The following DLGAP1 variants were observed in gnomAD, a reference collection of about 807,000 sequenced individuals.
The protein encoded by DLGAP1 is disks large-associated protein 1.
A neutral mutation model predicts 90.8 loss-of-function variants in DLGAP1; 11 were observed. That is an observed-to-expected ratio of 0.12 (90% CI 0.08 to 0.20). The LOEUF (loss-of-function observed/expected upper bound fraction) is 0.20. Ranked by LOEUF, DLGAP1 falls within the 10% of genes least tolerant of loss-of-function variation. The pLI, the probability that DLGAP1 is intolerant of heterozygous loss-of-function variation, is 1.00. For synonymous variants in DLGAP1, 558 were observed against 540.7 expected (o/e 1.03, Z -0.44); for missense variants, 1,050 against 1,333.8 (o/e 0.79, Z 3.31).
intron 5 of DLGAP1, among the ~76,000 whole-genome samples, chr18:3,765,094 G>C (rs1305065664): frequency 6.7e-6 from 1 of 148,426 alleles, no homozygotes; most frequent in Non-Finnish European, 1.5e-5. Flanking sequence ...GGAAGGCTCA[G>C]AATCTCCATG....
chr18:4,001,482 A>G (rs1372084971), intron 3 of DLGAP1, among the ~76,000 whole-genome samples: 1 of 151,724 alleles, frequency 6.6e-6, no homozygotes, highest in African/African-American at 2.4e-5. Flanking sequence ...TTTTTTCTTT[A>G]TTAATGTTTA....
intron 1 of DLGAP1, among the ~76,000 whole-genome samples, chr18:4,436,795 G>A (rs772041728): frequency 2.6e-5 from 4 of 152,106 alleles, no homozygotes; most frequent in Non-Finnish European, 5.9e-5. Context: ...CTATTCTCTC[G>A]ACACCTAGGG....
At chr18:4,254,127 G>C (rs1440386092) in intron 1 of DLGAP1, among the ~76,000 whole-genome samples, 2 of 152,178 alleles carry the variant, frequency 1.3e-5, no homozygotes, top group Non-Finnish European at 2.9e-5. Flanking sequence ...GTAAGAACAA[G>C]ACTCATCCAC....
intron 5 of DLGAP1, among the ~76,000 whole-genome samples, chr18:3,804,296 T>C (rs2066464689): frequency 6.6e-6 from 1 of 152,122 alleles, no homozygotes; most frequent in African/African-American, 2.4e-5. Context: ...CAGATAATTT[T>C]TAAAGAATGT....
chr18:4,100,776 C>T (rs988992660), intron 2 of DLGAP1, among the ~76,000 whole-genome samples: 3 of 152,238 alleles, frequency 2.0e-5, no homozygotes, highest in Non-Finnish European at 4.4e-5. Flanking sequence ...CCACTTGCTG[C>T]TTCACTTTCA....
intron 5 of DLGAP1, among the ~76,000 whole-genome samples, chr18:3,806,162 C>A (rs192130698): frequency 1.3e-5 from 2 of 152,246 alleles, no homozygotes; most frequent in Admixed American, 1.3e-4. Context: ...ATAAATGATA[C>A]AGCAAAAGTA....
chr18:3,791,805 G>C (rs1023135824), intron 5 of DLGAP1, among the ~76,000 whole-genome samples: 1 of 152,136 alleles, frequency 6.6e-6, no homozygotes, highest in Non-Finnish European at 1.5e-5. Context: ...TCACCTACTC[G>C]GGAGGCTGAG....
intron 7 of DLGAP1, among the ~76,000 whole-genome samples, chr18:3,662,661 G>A (rs1156580377): frequency 6.6e-6 from 1 of 152,236 alleles, no homozygotes; most frequent in African/African-American, 2.4e-5. Context: ...CTCAGAAGGT[G>A]CAACAAGAGT....
In DLGAP1 at chr18:3,689,508, A is replaced by G. The variant is rs557124671; in HGVS notation, c.1591+39627T>C. 2.0e-4 allele frequency among the ~76,000 whole-genome samples: 31 copies of G among 152,098 alleles called. 2 individuals carry two copies. In the East Asian group the frequency reaches 5.8e-3, roughly 28 times the overall value. Reference sequence around the variant, plus strand: ...TCATTGTATCCTTTTTTTTAAGCAGACCTATCTTTTCCCTTCTCTAAATAT... The same window carrying G: ...TCATTGTATCCTTTTTTTTAAGCAGGCCTATCTTTTCCCTTCTCTAAATAT... On this transcript the variant is annotated intron_variant, in intron 7 of 12. Transcript: ENST00000315677.
chr18:4,037,013 T>A (rs1015818381), intron 2 of DLGAP1, among the ~76,000 whole-genome samples: 2 of 152,216 alleles, frequency 1.3e-5, no homozygotes, highest in African/African-American at 4.8e-5. Flanking sequence ...TTTCTCTCTG[T>A]TCATTAGTAA....
intron 4 of DLGAP1, among the ~76,000 whole-genome samples, chr18:3,824,639 G>A (rs2067610319): frequency 6.6e-6 from 1 of 151,982 alleles, no homozygotes; most frequent in Non-Finnish European, 1.5e-5. Context: ...AGGCTTACTT[G>A]TGAATCATTA....
At chr18:4,380,386 T>C (rs928092251) in intron 1 of DLGAP1, among the ~76,000 whole-genome samples, 3 of 152,172 alleles carry the variant, frequency 2.0e-5, no homozygotes, top group Non-Finnish European at 4.4e-5. Context: ...TGCCCTTGAC[T>C]GCAGAATGTA....
chr18:4,179,558 T>C (rs1324916249), intron 1 of DLGAP1, among the ~76,000 whole-genome samples: 1 of 152,178 alleles, frequency 6.6e-6, no homozygotes, highest in Non-Finnish European at 1.5e-5. Flanking sequence ...CATCATTCTA[T>C]GAGATGAGGA....
At chr18:4,437,884 CTT>C (rs1598421304) in intron 1 of DLGAP1, among the ~76,000 whole-genome samples, 1 of 151,580 alleles carries the variant, frequency 6.6e-6, no homozygotes, top group Admixed American at 6.6e-5. Context: ...TAGGAATTAA[CTT>C]ATAACATATA....
intron 1 of DLGAP1, among the ~76,000 whole-genome samples, chr18:4,396,795 G>T (rs1320985703): frequency 6.6e-6 from 1 of 152,180 alleles, no homozygotes; most frequent in Non-Finnish European, 1.5e-5. Flanking sequence ...CATGCTGGAG[G>T]GTAGTGTCTG....
chr18:3,522,056 G>C (rs529478209), intron 10 of DLGAP1, among the ~76,000 whole-genome samples: 1 of 145,826 alleles, frequency 6.9e-6, no homozygotes, highest in South Asian at 2.2e-4. Flanking sequence ...GTTGAGTTGT[G>C]TTTGTGGATG....
chr18:4,196,305 C>A (rs938756036), intron 1 of DLGAP1, among the ~76,000 whole-genome samples: 22 of 152,174 alleles, frequency 1.4e-4, no homozygotes, highest in Non-Finnish European at 1.3e-4. Flanking sequence ...CTGACCTTGC[C>A]TGAGTACAGG....
chr18:3,740,968 C>CCA (rs2062889704), intron 6 of DLGAP1, among the ~76,000 whole-genome samples: 1 of 138,272 alleles, frequency 7.2e-6, no homozygotes. Context: ...ACCACCACCA[C>CCA]CATCACATCA....
At chr18:4,272,607 G>A (rs1328786379) in intron 1 of DLGAP1, among the ~76,000 whole-genome samples, 1 of 152,166 alleles carries the variant, frequency 6.6e-6, no homozygotes, top group Non-Finnish European at 1.5e-5. Context: ...AGGCCACCAT[G>A]AGATCAGACT....
Sources: allele counts gnomAD v4.1 joint callset (sites outside exome capture counted in the v4.1 genomes callset), GRCh38; gene constraint gnomAD v4.1.1; transcripts MANE v1.5; gene names NCBI Gene and HGNC (gene_info 2026-07-23, HGNC 2026-07-21).